The following NDST4 variants were observed in gnomAD, a reference collection of about 807,000 sequenced individuals.
NDST4 encodes N-heparan sulfate sulfotransferase 4.
A neutral mutation model predicts 100.8 loss-of-function variants in NDST4; 63 were observed. The ratio of observed to expected loss-of-function variants is 0.62; its 90% confidence interval spans 0.51 to 0.77. The LOEUF (loss-of-function observed/expected upper bound fraction) is 0.77, where lower values mean the gene tolerates loss of function less well. Ranked by LOEUF, NDST4 falls within the 30% of genes least tolerant of loss-of-function variation. The probability of loss-of-function intolerance (pLI) is 0.00; values close to 1 mark genes in which losing one functional copy is unlikely to be tolerated. For missense variants in NDST4, 943 were observed against 1,018.4 expected (o/e 0.93, Z 1.01); for synonymous variants, 377 against 361.8 (o/e 1.04, Z -0.48).
intron 2 of NDST4, among the ~76,000 whole-genome samples, chr4:115,027,285 G>A (rs956611150): frequency 2.0e-5 from 3 of 152,116 alleles, no homozygotes; most frequent in African/African-American, 4.8e-5. Context: ...TACCGTCTGG[G>A]ATGGAAGACA....
intron 8 of NDST4, among the ~76,000 whole-genome samples, chr4:114,848,790 G>T (rs561728132): frequency 6.6e-5 from 10 of 152,316 alleles, no homozygotes; most frequent in Non-Finnish European, 1.5e-4. Context: ...GTGCTACTCT[G>T]TGTATGGTCC....
chr4:115,044,815 G>A (rs1728430869), intron 2 of NDST4, among the ~76,000 whole-genome samples: 1 of 149,642 alleles, frequency 6.7e-6, no homozygotes, highest in Non-Finnish European at 1.5e-5. Context: ...GGCCAGGTAA[G>A]TTTCATGAAA....
chr4:114,896,413 A>G (rs571070065), intron 6 of NDST4, among the ~76,000 whole-genome samples: 690 of 151,912 alleles, frequency 4.5e-3, no homozygotes, highest in Middle Eastern at 0.014. Flanking sequence ...CACGAGGTCA[A>G]GAGATTGAGA....
At chr4:115,013,212 T>C (rs1337441711) in intron 2 of NDST4, among the ~76,000 whole-genome samples, 1 of 150,946 alleles carries the variant, frequency 6.6e-6, no homozygotes, top group Non-Finnish European at 1.5e-5. Context: ...ACAAGTATAA[T>C]TGGAATGTTT....
At chr4:115,072,178 C>G (rs955081268) in intron 2 of NDST4, among the ~76,000 whole-genome samples, 1 of 151,874 alleles carries the variant, frequency 6.6e-6, no homozygotes, top group Non-Finnish European at 1.5e-5. Flanking sequence ...GAAAAGCATA[C>G]AAAATAATCT....
At chr4:114,997,398 C>G (rs779502850) in intron 2 of NDST4, among the ~76,000 whole-genome samples, 2 of 151,996 alleles carry the variant, frequency 1.3e-5, no homozygotes, top group Non-Finnish European at 2.9e-5. Context: ...AAAAATATAT[C>G]TGTCAGATAG....
chr4:115,083,658 G>T (rs1729346335), intron 1 of NDST4, among the ~76,000 whole-genome samples: 1 of 152,116 alleles, frequency 6.6e-6, no homozygotes. Context: ...GGAGGGACCT[G>T]TTGGGAGGTA....
chr4:115,022,325 T>A (rs1727855625), intron 2 of NDST4, among the ~76,000 whole-genome samples: 1 of 150,546 alleles, frequency 6.6e-6, no homozygotes, highest in African/African-American at 2.5e-5. Flanking sequence ...GTGTTCCACA[T>A]ACATATGTGT....
intron 2 of NDST4, among the ~76,000 whole-genome samples, chr4:114,979,525 T>A (rs1375689179): frequency 6.6e-6 from 1 of 151,786 alleles, no homozygotes; most frequent in Admixed American, 6.6e-5. Context: ...AATTTTTAAT[T>A]TTTGTCAGTA....
At chr4:114,997,116 C>G (rs963175893) in intron 2 of NDST4, among the ~76,000 whole-genome samples, 1 of 152,110 alleles carries the variant, frequency 6.6e-6, no homozygotes, top group South Asian at 2.1e-4. Flanking sequence ...AATGATGTGA[C>G]CTATTTGCCA....
At chr4:115,002,665 T>C (rs1269856962) in intron 2 of NDST4, among the ~76,000 whole-genome samples, 1 of 152,138 alleles carries the variant, frequency 6.6e-6, no homozygotes, top group African/African-American at 2.4e-5. Context: ...AGGAAGACAG[T>C]GTGGTGATTT....
At chr4:114,885,631 T>C (rs897206423) in intron 6 of NDST4, among the ~76,000 whole-genome samples, 1 of 152,146 alleles carries the variant, frequency 6.6e-6, no homozygotes, top group Admixed American at 6.6e-5. Context: ...GACAAAAAGT[T>C]AAATGTTTTC....
chr4:114,834,270 G>A (rs1723263789), intron 11 of NDST4, among the ~76,000 whole-genome samples: 4 of 152,044 alleles, frequency 2.6e-5, no homozygotes, highest in Admixed American at 2.6e-4. Flanking sequence ...TCCCAGCACT[G>A]TGTGAGGCTG....
intron 13 of NDST4, 90 bp downstream of exon 13, chr4:114,829,700 A>T (rs1723152755): frequency 1.2e-6 from 1 of 852,088 alleles, no homozygotes; most frequent in Non-Finnish European, 1.8e-6. Flanking sequence ...GGAAGAGCAG[A>T]AAAAGGAAGC....
At chr4:114,896,561 T>C (rs1578372913) in intron 6 of NDST4, among the ~76,000 whole-genome samples, 1 of 150,882 alleles carries the variant, frequency 6.6e-6, no homozygotes, top group Admixed American at 6.6e-5. Context: ...GAGGCGGAGG[T>C]TGCAGTGAGC....
At chr4:114,877,008 C>G (rs1426771405) in intron 6 of NDST4, among the ~76,000 whole-genome samples, 1 of 151,982 alleles carries the variant, frequency 6.6e-6, no homozygotes, top group Non-Finnish European at 1.5e-5. Context: ...AGTCAACAAG[C>G]GGATTGCACG....
chr4:114,855,452 A>G (rs1723773114), intron 7 of NDST4, among the ~76,000 whole-genome samples: 2 of 152,126 alleles, frequency 1.3e-5, no homozygotes, highest in Admixed American at 6.5e-5. Context: ...TATTTTGTGT[A>G]CGGAGAGAGA....
At chr4:114,949,172 G>A (rs1725934450) in intron 4 of NDST4, among the ~76,000 whole-genome samples, 1 of 151,876 alleles carries the variant, frequency 6.6e-6, no homozygotes, top group African/African-American at 2.4e-5. Flanking sequence ...TCACAAAACT[G>A]TTATCTAATA....
chr4:114,958,601 C>T (rs1381889774), intron 4 of NDST4, among the ~76,000 whole-genome samples: 4 of 152,166 alleles, frequency 2.6e-5, no homozygotes, highest in Admixed American at 1.3e-4. Context: ...ATTAAGTCCC[C>T]AGACTGCACA....
Sources: gnomAD v4.1 joint callset for allele counts (sites outside exome capture counted in the v4.1 genomes callset) on GRCh38, gnomAD v4.1.1 for gene constraint, MANE v1.5 for transcripts, NCBI Gene and HGNC (gene_info 2026-07-23, HGNC 2026-07-21) for gene names.